C3orf20: variants seen among roughly 807,000 people sequenced by gnomAD.
C3orf20 encodes family with sequence similarity 149 member C.
C3orf20 carries 76 observed loss-of-function variants against 88.3 expected under a neutral mutation model. The ratio of observed to expected loss-of-function variants is 0.86; its 90% CI spans 0.72 to 1.04. The LOEUF (loss-of-function observed/expected upper bound fraction) is 1.04. Among genes scored for constraint, C3orf20 ranks in the 50% least tolerant of loss-of-function variants. C3orf20 has a pLI of 0.00. For synonymous variants in C3orf20, 436 were observed against 437.4 expected (o/e 1.00, Z 0.04); for missense variants, 1,056 against 1,123.3 (o/e 0.94, Z 0.86).
chr3:14,728,598 C>T lies in C3orf20; in HGVS notation c.1850C>T (p.Ala617Val), dbSNP rs754153654. 1 of 1,614,188 alleles carries T rather than the reference C, an allele frequency of 6.2e-7. No homozygotes were observed. Among genetic ancestry groups the T allele is most frequent in the Admixed American group, 1.7e-5 (1 of 60,028 alleles). ...SQSGHLESSI[A>V]ETLKDEPESA... ...TCAGGCCACCTGGAATCCTCAATTG[C>T]AGAGACTTTGAAGGATGAGCCTGAG... The change falls in exon 12 of 17, where the codon GCA becomes GTA. Residue 617 changes from alanine (A) to valine (V), a missense_variant. Physicochemically the swap from Ala to Val is moderately conservative, Grantham distance 64. Transcript: ENST00000253697.
At chr3:14,741,005 T>C (rs1209089507) in intron 12 of C3orf20, among the ~76,000 whole-genome samples, 1 of 152,242 alleles carries the variant, frequency 6.6e-6, no homozygotes, top group Non-Finnish European at 1.5e-5. Context: ...ATCCTTGACT[T>C]TGTATCTAAT....
rs772049661 is a variant in C3orf20 at position 14,704,397 on chromosome 3, C to T, written c.939C>T (p.Asn313=). Reference sequence around the variant, plus strand: ...TCTCCTACCCCATGATCTTACGAAACTACAAGGCAAAGATGCCCTCTCATC... The same window carrying T: ...TCTCCTACCCCATGATCTTACGAAATTACAAGGCAAAGATGCCCTCTCATC... ...RNISYPMILR[N]YKAKMPSHLM... Residue 313 remains asparagine (N), a synonymous_variant, in exon 7 of 17, where the codon AAC becomes AAT. Coordinates refer to ENST00000253697, the MANE Select transcript of C3orf20 (RefSeq NM_032137.5). 6.8e-6 allele frequency: 11 copies of T among 1,614,150 alleles called. No individual in the cohort carries two copies. The South Asian group carries it at 1.2e-4, about 18-fold the overall frequency.
Position 14,703,172 on chromosome 3 carries a change from A to C in C3orf20, c.788A>C (p.His263Pro). ...TTEDVSMPPL[H>P]RGVGTPANSL... is the part of the protein sequence containing the mutation. ...GAAGATGTCAGCATGCCGCCCCTGC[A>C]TCGAGGAGTGGGAACCCCTGCCAAC... is the stretch of plus-strand genomic sequence containing the variant. Residue 263 changes from histidine to proline, a missense_variant, in exon 6 of 17, where the codon CAT becomes CCT. Physicochemically the swap from His to Pro is moderately conservative, Grantham distance 77. Coordinates refer to ENST00000253697, the MANE Select transcript of C3orf20 (RefSeq NM_032137.5). 6.2e-7 allele frequency: 1 copy of C among 1,614,200 alleles called. No homozygotes were observed.
At chr3:14,689,917 A>G (rs769445239) in intron 4 of C3orf20, 80 bp from the exon 5 acceptor site, 2 of 1,597,004 alleles carry the variant, frequency 1.3e-6, no homozygotes, top group Non-Finnish European at 1.7e-6. Flanking sequence ...CTACTAGAAC[A>G]AGAAATCCAT....
chr3:14,729,938 C>A (rs887882935), intron 12 of C3orf20, among the ~76,000 whole-genome samples: 2 of 152,174 alleles, frequency 1.3e-5, no homozygotes, highest in Admixed American at 1.3e-4. Flanking sequence ...GAAAAATGAG[C>A]AAATCCTAAG....
intron 7 of C3orf20, among the ~76,000 whole-genome samples, chr3:14,705,284 G>A (rs552754368): frequency 9.8e-5 from 15 of 152,350 alleles, no homozygotes; most frequent in Admixed American, 3.3e-4. Flanking sequence ...CCTGTAAGGC[G>A]TTACCTGTGA....
chr3:14,738,923 C>T lies in C3orf20; in HGVS notation c.1940+10235C>T, dbSNP rs548579457. Among the ~76,000 whole-genome samples the T allele has an allele frequency of 4.5e-4, 66 of 148,142 alleles. 1 individual carries two copies. The highest frequency in any genetic ancestry group is 3.7e-3 in the Admixed American group (55 of 14,782). ...CACCCACCTCAGCCTCCCAAAGTGCCGGGATTACAGGTGTGAGCCATTGTG... is the reference window on the plus strand; with the variant it reads ...CACCCACCTCAGCCTCCCAAAGTGCTGGGATTACAGGTGTGAGCCATTGTG... On this transcript the variant is annotated intron_variant, in intron 12 of 16. Transcript: ENST00000253697.
intron 10 of C3orf20, among the ~76,000 whole-genome samples, chr3:14,726,672 C>T (rs1362029429): frequency 6.6e-6 from 1 of 152,158 alleles, no homozygotes; most frequent in African/African-American, 2.4e-5. Flanking sequence ...AGAAGCAGTT[C>T]TGCCCAGTCG....
chr3:14,694,269 A>G (rs184385422), intron 5 of C3orf20, among the ~76,000 whole-genome samples: 9 of 152,148 alleles, frequency 5.9e-5, no homozygotes, highest in Admixed American at 5.2e-4. Flanking sequence ...TAGGATTGCT[A>G]TGTTCTTTAA....
At chr3:14,766,969 A>C (rs1474701389) in intron 15 of C3orf20, 2 of 152,182 alleles carry the variant, frequency 1.3e-5, no homozygotes, top group African/African-American at 4.8e-5. Flanking sequence ...GACGGCTCCG[A>C]CTCACTGTGG....
At chr3:14,741,537 T>G (rs2034897799) in intron 12 of C3orf20, among the ~76,000 whole-genome samples, 1 of 152,244 alleles carries the variant, frequency 6.6e-6, no homozygotes, top group South Asian at 2.1e-4. Flanking sequence ...TGTGTTGAAC[T>G]TTCTGTGTTT....
chr3:14,732,080 CA>C (rs1280609777), intron 12 of C3orf20, among the ~76,000 whole-genome samples: 2 of 152,198 alleles, frequency 1.3e-5, no homozygotes, highest in East Asian at 3.8e-4. Flanking sequence ...ACTGTCTTCC[CA>C]AGTAGCTGTA....
Position 14,715,385 on chromosome 3 carries a change from G to C in C3orf20, c.1410G>C (p.Glu470Asp), listed in dbSNP as rs1184430390. The change falls in exon 9 of 17, where the codon GAG becomes GAC. Residue 470 changes from glutamate (E) to aspartate (D), a missense_variant. Transcript: ENST00000253697. ...AGTGGAGCTGGACTTCCAGGACAGA[G>C]ACCCTGCTTTCCCTGGAATACAAGG... ...VHKWSWTSRT[E>D]TLLSLEYKVN... 2 of 1,612,210 alleles carry C rather than the reference G, an allele frequency of 1.2e-6. No homozygotes were observed. Among genetic ancestry groups the C allele is most frequent in the East Asian group, 2.2e-5 (1 of 44,876 alleles).
intron 5 of C3orf20, among the ~76,000 whole-genome samples, chr3:14,695,913 G>T (rs1487625819): frequency 6.6e-6 from 1 of 151,818 alleles, no homozygotes; most frequent in East Asian, 1.9e-4. Context: ...ATGGGGTCTT[G>T]TTTTTTTATC....
At chr3:14,724,419 CT>C (rs748609888) in intron 10 of C3orf20, among the ~76,000 whole-genome samples, 5 of 152,186 alleles carry the variant, frequency 3.3e-5, no homozygotes, top group Non-Finnish European at 5.9e-5. Context: ...CAACAAGCCC[CT>C]TAGGCCTAGA....
intron 12 of C3orf20, among the ~76,000 whole-genome samples, chr3:14,736,943 C>G (rs1013011054): frequency 6.6e-6 from 1 of 152,152 alleles, no homozygotes; most frequent in Non-Finnish European, 1.5e-5. Context: ...TTGAAGATGT[C>G]GTTCTGCTGT....
intron 12 of C3orf20, among the ~76,000 whole-genome samples, chr3:14,756,593 TTA>T (rs2035379985): frequency 6.8e-6 from 1 of 147,670 alleles, no homozygotes; most frequent in Non-Finnish European, 1.5e-5. Context: ...GAAAATCTCA[TTA>T]AGAAGGTAAC....
chr3:14,749,575 T>C (rs1239532483), intron 12 of C3orf20, among the ~76,000 whole-genome samples: 1 of 152,230 alleles, frequency 6.6e-6, no homozygotes, highest in East Asian at 1.9e-4. Flanking sequence ...GTTTAAGACT[T>C]TAATCCATTT....
intron 14 of C3orf20, among the ~76,000 whole-genome samples, chr3:14,760,406 A>G (rs1263907468): frequency 3.3e-5 from 5 of 152,136 alleles, no homozygotes; most frequent in Non-Finnish European, 7.4e-5. Flanking sequence ...AGAGAGTCTC[A>G]TTTGCTCACC....
Sources: gnomAD v4.1 joint callset for allele counts (sites outside exome capture counted in the v4.1 genomes callset) on GRCh38, gnomAD v4.1.1 for gene constraint, MANE v1.5 for transcripts, NCBI Gene and HGNC (gene_info 2026-07-23, HGNC 2026-07-21) for gene names.